Variants in FAM13A observed in about 807,000 individuals in gnomAD.
The protein encoded by FAM13A is protein FAM13A.
A neutral mutation model predicts 129.6 loss-of-function variants in FAM13A; 76 were observed. The observed-to-expected ratio is 0.59, with a 90% CI of 0.49 to 0.71. FAM13A has a LOEUF of 0.71. Among genes scored for constraint, FAM13A ranks in the 30% least tolerant of loss-of-function variants. The probability of loss-of-function intolerance (pLI) is 0.00; values close to 1 mark genes in which losing one functional copy is unlikely to be tolerated. For synonymous variants in FAM13A, 443 were observed against 449.9 expected (o/e 0.98, Z 0.20); for missense variants, 1,108 against 1,249.3 (o/e 0.89, Z 1.70).
chr4:89,021,460 C>T (rs1288849022), intron 2 of FAM13A, among the ~76,000 whole-genome samples: 1 of 151,860 alleles, frequency 6.6e-6, no homozygotes, highest in Admixed American at 6.6e-5. Flanking sequence ...CTTGATCTAC[C>T]CCTGACAAAG....
chr4:88,797,140 A>C (rs190485059), intron 8 of FAM13A, among the ~76,000 whole-genome samples: 4 of 152,078 alleles, frequency 2.6e-5, no homozygotes, highest in African/African-American at 7.2e-5. Flanking sequence ...TTTTAAATTT[A>C]TCTCTCAATT....
chr4:88,846,257 T>C (rs1736625275), intron 7 of FAM13A, among the ~76,000 whole-genome samples: 1 of 152,216 alleles, frequency 6.6e-6, no homozygotes, highest in African/African-American at 2.4e-5. Context: ...TTACAAACAA[T>C]GGAACTATGA....
chr4:89,015,484 T>C lies in FAM13A; in HGVS notation c.427+4976A>G, dbSNP rs192279927. Among the ~76,000 whole-genome samples the C allele has an allele frequency of 1.3e-4, 20 of 152,340 alleles. No individual in the cohort carries two copies. The Middle Eastern group carries it at 0.01, about 78-fold the overall frequency. Reference sequence around the variant, plus strand: ...TACTCTTTCCCTTTATTTCTCAGACTGGCTGACACTTAGGAAAAATAGAAA... The same window carrying C: ...TACTCTTTCCCTTTATTTCTCAGACCGGCTGACACTTAGGAAAAATAGAAA... On this transcript the variant is annotated intron_variant, in intron 3 of 23. Transcript: ENST00000264344.
intron 2 of FAM13A, among the ~76,000 whole-genome samples, chr4:89,025,245 G>GTTTTTTTTTTTTTTTTTTTTT (rs56710705): frequency 1.6e-5 from 1 of 61,362 alleles, no homozygotes; most frequent in Non-Finnish European, 3.2e-5. Context: ...TGGAATCATT[G>GTTTTTTTTTTTTTTTTTTTTT]TTTTTTTTTT....
intron 4 of FAM13A, chr4:88,990,762 C>A: frequency 4.8e-6 from 2 of 420,024 alleles, no homozygotes; most frequent in Non-Finnish European, 8.4e-6. Flanking sequence ...TGATTTATTG[C>A]AAATTATAGT....
In FAM13A at chr4:88,946,396, G is replaced by A. The variant is rs1046888583; in HGVS notation, c.606-8155C>T. Among the ~76,000 whole-genome samples, 30 of 114,916 alleles carry A rather than the reference G, an allele frequency of 2.6e-4. No individual in the cohort carries two copies. In the East Asian group the frequency reaches 4.7e-3, roughly 18 times the overall value. The allele number at this position is 114,916 out of a possible 152,430, so 75.4% of individuals were successfully genotyped here. On this transcript the variant is annotated intron_variant, in intron 4 of 23. Coordinates refer to ENST00000264344, the MANE Select transcript of FAM13A (RefSeq NM_014883.4). ...CCTTGCTGAGAGATCATTTGCTCCCGCGTTCTTTTTTTTTTTTTTTTTTTT... is the reference window on the plus strand; with the variant it reads ...CCTTGCTGAGAGATCATTTGCTCCCACGTTCTTTTTTTTTTTTTTTTTTTT...
chr4:88,886,938 A>G (rs571158218), intron 6 of FAM13A, among the ~76,000 whole-genome samples: 3 of 152,210 alleles, frequency 2.0e-5, no homozygotes, highest in South Asian at 4.2e-4. Flanking sequence ...TATGATATAT[A>G]TATTACCCAT....
At chr4:88,845,678 G>A (rs1412564608) in intron 7 of FAM13A, among the ~76,000 whole-genome samples, 1 of 152,152 alleles carries the variant, frequency 6.6e-6, no homozygotes, top group African/African-American at 2.4e-5. Flanking sequence ...TATCAAACCT[G>A]TAATAGCAGT....
intron 19 of FAM13A, among the ~76,000 whole-genome samples, chr4:88,739,532 T>C (rs1302471408): frequency 6.7e-6 from 1 of 150,156 alleles, no homozygotes; most frequent in Non-Finnish European, 1.5e-5. Flanking sequence ...CCCAGCACTT[T>C]GGGAGGCTGA....
intron 13 of FAM13A, among the ~76,000 whole-genome samples, chr4:88,762,260 C>T (rs1262486901): frequency 6.6e-6 from 1 of 152,202 alleles, no homozygotes; most frequent in Admixed American, 6.5e-5. Context: ...GAGGATGTGT[C>T]ATATATAATG....
intron 4 of FAM13A, among the ~76,000 whole-genome samples, chr4:88,940,158 G>A (rs2904256): frequency 0.14 from 20,620 of 152,170 alleles, 1,544 homozygotes; most frequent in Non-Finnish European, 0.16. Flanking sequence ...TATCTAAAAT[G>A]TGGAAGTGGC....
intron 3 of FAM13A, among the ~76,000 whole-genome samples, chr4:89,012,961 A>G (rs1472247714): frequency 1.3e-5 from 2 of 152,226 alleles, no homozygotes; most frequent in Non-Finnish European, 2.9e-5. Flanking sequence ...AAAGCAGGGT[A>G]GTCACCCCTG....
chr4:88,775,776 A>G (rs1318814681), intron 11 of FAM13A, among the ~76,000 whole-genome samples: 1 of 152,184 alleles, frequency 6.6e-6, no homozygotes, highest in East Asian at 1.9e-4. Flanking sequence ...AATGAAGAAA[A>G]GAGATTGGCC....
chr4:88,907,666 T>C (rs564855218), intron 5 of FAM13A, among the ~76,000 whole-genome samples: 244 of 152,308 alleles, frequency 1.6e-3, no homozygotes, highest in African/African-American at 5.7e-3. Context: ...GCTAACACAA[T>C]GCAGGCTTAC....
At chr4:88,969,262 T>C (rs1437024938) in intron 4 of FAM13A, among the ~76,000 whole-genome samples, 3 of 152,178 alleles carry the variant, frequency 2.0e-5, no homozygotes, top group Admixed American at 2.0e-4. Flanking sequence ...CTGTGTTAAA[T>C]ATACGAAGCT....
chr4:88,728,765 C>A, intron 23 of FAM13A, 106 bp from the exon 24 acceptor site: 1 of 1,349,820 alleles, frequency 7.4e-7, no homozygotes. Context: ...AGTTTATCAA[C>A]TTGTAGAATC....
intron 7 of FAM13A, among the ~76,000 whole-genome samples, chr4:88,812,783 G>T (rs1253257590): frequency 6.6e-6 from 1 of 152,186 alleles, no homozygotes; most frequent in East Asian, 1.9e-4. Flanking sequence ...TAGGTACCAA[G>T]AACACTGCAT....
At chr4:88,991,195 T>A (rs1328732047) in intron 3 of FAM13A, 45 bp from the exon 4 acceptor site, 2 of 1,468,146 alleles carry the variant, frequency 1.4e-6, no homozygotes, top group Non-Finnish European at 1.9e-6. Context: ...TATTTCACAG[T>A]AACAACAACA....
chr4:89,041,418 T>G (rs1770105086), intron 1 of FAM13A, among the ~76,000 whole-genome samples: 1 of 152,190 alleles, frequency 6.6e-6, no homozygotes, highest in African/African-American at 2.4e-5. Context: ...ATGCCGAAGG[T>G]TGCAAATTTT....
Sources: allele counts gnomAD v4.1 joint callset (sites outside exome capture counted in the v4.1 genomes callset), GRCh38; gene constraint gnomAD v4.1.1; transcripts MANE v1.5; gene names NCBI Gene and HGNC (gene_info 2026-07-23, HGNC 2026-07-21).